Variants in RASGRF1 observed in about 807,000 individuals in gnomAD.
The protein encoded by RASGRF1 is Ras protein specific guanine nucleotide releasing factor 1.
In RASGRF1, 40 loss-of-function variants were observed where a neutral mutation model predicts 138.7. The ratio of observed to expected loss-of-function variants is 0.29; its 90% confidence interval spans 0.22 to 0.38. The LOEUF (loss-of-function observed/expected upper bound fraction) is 0.38, where lower values mean the gene tolerates loss of function less well. RASGRF1 is among the 10% of genes least tolerant of loss of function. RASGRF1 has a pLI of 1.00. For missense variants in RASGRF1, 1,108 were observed against 1,650.4 expected (o/e 0.67, Z 5.69); for synonymous variants, 614 against 663.2 (o/e 0.93, Z 1.14).
At chr15:78,999,515 G>A (rs1421461234) in intron 17 of RASGRF1, among the ~76,000 whole-genome samples, 1 of 152,140 alleles carries the variant, frequency 6.6e-6, no homozygotes, top group Non-Finnish European at 1.5e-5. Flanking sequence ...GGAAGGCGGT[G>A]CCCAAGCCAA....
chr15:79,041,299 A>C (rs2057294177), intron 5 of RASGRF1, among the ~76,000 whole-genome samples: 2 of 152,276 alleles, frequency 1.3e-5, no homozygotes, highest in Admixed American at 1.3e-4. Context: ...TCTTTACAGA[A>C]TAAAGTCCAC....
chr15:79,029,993 G>C (rs1403021937), intron 8 of RASGRF1, among the ~76,000 whole-genome samples: 2 of 152,220 alleles, frequency 1.3e-5, no homozygotes, highest in African/African-American at 4.8e-5. Flanking sequence ...TTGGGGAAGA[G>C]TGTGCGGGAT....
intron 8 of RASGRF1, among the ~76,000 whole-genome samples, chr15:79,030,486 C>G (rs562765045): frequency 6.6e-6 from 1 of 152,286 alleles, no homozygotes; most frequent in South Asian, 2.1e-4. Flanking sequence ...TGATGATTGC[C>G]GGATTTCTCT....
intron 2 of RASGRF1, among the ~76,000 whole-genome samples, chr15:79,060,705 G>C (rs2057592216): frequency 6.6e-6 from 1 of 152,250 alleles, no homozygotes; most frequent in African/African-American, 2.4e-5. Context: ...AGAACATTCT[G>C]TCAGGCTCTG....
intron 5 of RASGRF1, among the ~76,000 whole-genome samples, chr15:79,038,126 A>G (rs1387901855): frequency 2.0e-5 from 3 of 152,178 alleles, no homozygotes; most frequent in African/African-American, 7.2e-5. Context: ...AACAGGTCAC[A>G]GACCAGTGTT....
At chr15:78,998,006 C>G (rs952399717) in intron 19 of RASGRF1, 90 bp downstream of exon 19, 2 of 1,158,596 alleles carry the variant, frequency 1.7e-6, no homozygotes, top group Non-Finnish European at 2.6e-6. Flanking sequence ...TCTTCACCTC[C>G]CGGGCCTCTG....
intron 4 of RASGRF1, 85 bp downstream of exon 4, chr15:79,049,411 G>A: frequency 2.4e-6 from 3 of 1,268,538 alleles, no homozygotes; most frequent in South Asian, 2.5e-5. Flanking sequence ...AGGACAGTGG[G>A]GCTGTGGTGT....
At chr15:79,005,252 G>T (rs1038351817) in intron 14 of RASGRF1, 7 of 985,568 alleles carry the variant, frequency 7.1e-6, no homozygotes, top group Non-Finnish European at 7.2e-6. Context: ...TCGTTGCGTT[G>T]CTCTGGCAGC....
At chr15:78,997,530 T>C (rs1808949) in intron 19 of RASGRF1, among the ~76,000 whole-genome samples, 151,433 of 152,174 alleles carry the variant, frequency 1, 75,353 homozygotes, top group Non-Finnish European at 1. Flanking sequence ...GTCAGGAGAC[T>C]GAGACCAGCC....
At chr15:78,991,662 G>C in intron 21 of RASGRF1, 29 bp downstream of exon 21, 4 of 1,568,346 alleles carry the variant, frequency 2.6e-6, no homozygotes, top group Non-Finnish European at 3.5e-6. Context: ...AGGAAGCGGG[G>C]GGAGGCGGGT....
chr15:79,072,527 G>A lies in RASGRF1; in HGVS notation c.277-8001C>T, dbSNP rs544880735. On this transcript the variant is annotated intron_variant, in intron 1 of 26. Coordinates refer to ENST00000558480, the MANE Select transcript of RASGRF1 (RefSeq NM_001145648.3). Reference sequence around the variant, plus strand: ...CCTGACCTCGTGATCCGCCCGCCTCGGCCTCCCAAAGTGCTGGGACTACAG... The same window carrying A: ...CCTGACCTCGTGATCCGCCCGCCTCAGCCTCCCAAAGTGCTGGGACTACAG... Among the ~76,000 whole-genome samples, 15 of 151,248 alleles carry A rather than the reference G, an allele frequency of 9.9e-5. No homozygotes were observed. The East Asian group carries it at 2.3e-3, about 24-fold the overall frequency.
At chr15:79,031,245 A>G (rs2057132244) in intron 8 of RASGRF1, among the ~76,000 whole-genome samples, 155 bp downstream of exon 8, 1 of 152,118 alleles carries the variant, frequency 6.6e-6, no homozygotes, top group Non-Finnish European at 1.5e-5. Context: ...GGACCACTCC[A>G]GGGGCCTCTG....
At chr15:79,025,967 C>T (rs1299778904) in intron 9 of RASGRF1, among the ~76,000 whole-genome samples, 1 of 151,774 alleles carries the variant, frequency 6.6e-6, no homozygotes, top group East Asian at 1.9e-4. Context: ...TCCTGTTGTC[C>T]ACAGCCATGG....
intron 26 of RASGRF1, among the ~76,000 whole-genome samples, chr15:78,965,107 A>G (rs1176071364): frequency 6.6e-6 from 1 of 152,216 alleles, no homozygotes; most frequent in Non-Finnish European, 1.5e-5. Context: ...CTAAGTGTTT[A>G]AATCATAAAT....
chr15:79,056,785 A>C (rs1039965912), intron 3 of RASGRF1, among the ~76,000 whole-genome samples: 1 of 152,220 alleles, frequency 6.6e-6, no homozygotes, highest in African/African-American at 2.4e-5. Context: ...TGTTGGCTTT[A>C]GATCTTTGAA....
At chr15:79,078,330 A>T (rs1231833379) in intron 1 of RASGRF1, among the ~76,000 whole-genome samples, 2 of 152,094 alleles carry the variant, frequency 1.3e-5, no homozygotes, top group Non-Finnish European at 2.9e-5. Context: ...GGCCACCCCA[A>T]GAGCATCTTC....
At chr15:79,054,346 T>C (rs2057480713) in intron 3 of RASGRF1, among the ~76,000 whole-genome samples, 1 of 152,160 alleles carries the variant, frequency 6.6e-6, no homozygotes, top group Non-Finnish European at 1.5e-5. Context: ...TTTTGAGCTG[T>C]TTTCTGTTTT....
At chr15:79,089,767 C>G (rs956443516) in intron 1 of RASGRF1, among the ~76,000 whole-genome samples, 15 of 152,266 alleles carry the variant, frequency 9.9e-5, no homozygotes, top group Admixed American at 9.8e-4. Context: ...CGGACGCCTC[C>G]GTCTTGCCCT....
rs2057692507 is a variant in RASGRF1 at position 79,067,235 on chromosome 15, A to G, written c.277-2709T>C. On this transcript the variant is annotated intron_variant, in intron 1 of 26. Coordinates refer to ENST00000558480, the MANE Select transcript of RASGRF1 (RefSeq NM_001145648.3). Reference sequence around the variant, plus strand: ...GCCAGGGCGAGCTCTGGGAGTATCCAGAGCCACTTCAGGCTCCCAGCCAGA... The same window carrying G: ...GCCAGGGCGAGCTCTGGGAGTATCCGGAGCCACTTCAGGCTCCCAGCCAGA... Among the ~76,000 whole-genome samples the G allele has an allele frequency of 2.0e-5, 3 of 152,186 alleles. 1 individual carries two copies. The highest frequency in any genetic ancestry group is 2.0e-4 in the Admixed American group (3 of 15,286).
Sources: gnomAD v4.1 joint callset for allele counts (sites outside exome capture counted in the v4.1 genomes callset) on GRCh38, gnomAD v4.1.1 for gene constraint, MANE v1.5 for transcripts, NCBI Gene and HGNC (gene_info 2026-07-23, HGNC 2026-07-21) for gene names.